Variants in GPRC5C observed in about 807,000 individuals in gnomAD.
GPRC5C encodes the protein G protein-coupled receptor family C group 5 member C.
Under a neutral mutation model 31.4 loss-of-function variants are expected in GPRC5C, and 22 were observed. That is an observed-to-expected ratio of 0.70 (90% CI 0.50 to 1.00). The LOEUF (loss-of-function observed/expected upper bound fraction) is 1.00, where lower values mean the gene tolerates loss of function less well. Among genes scored for constraint, GPRC5C ranks in the 50% least tolerant of loss-of-function variants. GPRC5C has a pLI of 0.00. For missense variants in GPRC5C, 557 were observed against 597.2 expected, an observed-to-expected ratio of 0.93 and a Z score of 0.70; for synonymous variants, 249 against 257.5, an observed-to-expected ratio of 0.97 and a Z score of 0.32.
At chr17:74,448,005 C>T (rs576761816), downstream of GPRC5C, among the ~76,000 whole-genome samples, 2 of 152,270 alleles carry the variant, frequency 1.3e-5, no homozygotes, top group South Asian at 4.1e-4. Context: ...CGTTCCCGAG[C>T]GGTCATTAAA....
chr17:74,439,634 C>CTGGATA (rs2055493706), intron 1 of GPRC5C, 111 bp from the exon 2 acceptor site: 3 of 998,838 alleles, frequency 3.0e-6, no homozygotes, highest in African/African-American at 3.2e-5. Context: ...GAGAGCCTCA[C>CTGGATA]GGTCAGCAGC....
rs979905532 is a variant in GPRC5C, at chr17:74,440,948, CTAAG to C, written c.1051+123_1051+126del. ...TTTGAGGTTTTCTGTAGTTTTCTGC[CTAAG>C]TGTCTCTAAATTCCATTTAATTTAA... On this transcript the variant is annotated intron_variant, in intron 2 of 3. Transcript: ENST00000392627. This position sits in a 1 kb window ranked among gnomAD's most constrained non-coding sequence, Gnocchi z 4.4. 1 of 803,484 alleles carries C rather than the reference CTAAG, an allele frequency of 1.2e-6. No individual in the cohort carries two copies. The highest frequency in any genetic ancestry group is 1.8e-5 in the African/African-American group (1 of 56,296). The allele number at this position is 803,484 out of a possible 1,614,324, so 49.8% of individuals were successfully genotyped here.
In GPRC5C at chr17:74,443,753, G is replaced by A. The variant is rs372140538; in HGVS notation, c.1052-65G>A. ...GCCCCCAGAGAGCCTTGCTTGGTTT[G>A]TGGGAGGTGGGGAAGGGAGCTGAGA... On this transcript the variant is annotated intron_variant, in intron 2 of 3. Transcript: ENST00000392627. 2.0e-5 allele frequency: 24 copies of A among 1,193,452 alleles called. No homozygotes were observed. In the African/African-American group the frequency reaches 3.0e-4, roughly 15 times the overall value. 73.9% of individuals were successfully genotyped at this position (1,193,452 alleles called of 1,614,324 possible).
At chr17:74,449,242 T>G, downstream of GPRC5C, 1 of 603,050 alleles carries the variant, frequency 1.7e-6, no homozygotes, top group Non-Finnish European at 2.8e-6. Context: ...ATTAGCCTCC[T>G]GGGGACTGAA....
chr17:74,438,247 A>ATT (rs2055470519), intron 1 of GPRC5C, among the ~76,000 whole-genome samples: 1 of 86,684 alleles, frequency 1.2e-5, no homozygotes, highest in Non-Finnish European at 2.2e-5. Flanking sequence ...ATATATATAT[A>ATT]TATATTTGTT....
rs374566874 is a variant in GPRC5C at position 74,446,892 on chromosome 17, A to G, written c.1190A>G (p.Asn397Ser). 1.2e-6 allele frequency: 2 copies of G among 1,613,712 alleles called. No individual in the cohort carries two copies. The highest frequency in any genetic ancestry group is 1.7e-6 in the Non-Finnish European group (2 of 1,179,782). Residue 397 changes from asparagine (N) to serine (S), a missense_variant, in exon 4 of 4, where the codon AAC (asparagine) becomes AGC (serine). By Grantham distance (46) the Asn-to-Ser change is conservative. Transcript: ENST00000392627. ...ATCATCCTCCCACGGGCCACCGCCA[A>G]CAGCCAGGTGATGGGCAGTGCCAAC... ...YDIILPRATA[N>S]SQVMGSANST... is the part of the protein sequence containing the mutation.
chr17:74,434,003 C>T (rs1598425767), intron 1 of GPRC5C, among the ~76,000 whole-genome samples: 1 of 152,146 alleles, frequency 6.6e-6, no homozygotes, highest in South Asian at 2.1e-4. Context: ...CCTCTGAGCC[C>T]ACCAGGCCTC....
rs758301558 is a variant in GPRC5C at position 74,439,748 on chromosome 17, C to G, written c.-29C>G. ...TCCCTTTTCCTTCTGTCTCTAGGGA[C>G]CCAACCAGAGCCTGGCCTGGGAGCC... On this transcript the variant is annotated 5_prime_UTR_variant, in exon 2 of 4. Coordinates refer to ENST00000392627, the MANE Select transcript of GPRC5C (RefSeq NM_022036.4). 5 of 1,603,394 alleles carry G rather than the reference C, an allele frequency of 3.1e-6. No individual in the cohort carries two copies. The highest frequency in any genetic ancestry group is 4.3e-6 in the Non-Finnish European group (5 of 1,173,954).
intron 1 of GPRC5C, among the ~76,000 whole-genome samples, chr17:74,435,540 C>T (rs1039880084): frequency 5.9e-5 from 9 of 152,098 alleles, no homozygotes; most frequent in Middle Eastern, 3.2e-3. Context: ...TACCTGGATG[C>T]GGTGAGGGGC....
chr17:74,443,434 GAGGCTGGCCATCTTGGA>G (rs2055574308), intron 2 of GPRC5C: 1 of 375,658 alleles, frequency 2.7e-6, no homozygotes, highest in Non-Finnish European at 5.2e-6. Context: ...GGCAGAGCTG[GAGGCTGGCCATCTTGGA>G]AGGCGGCCGA....
chr17:74,439,287 G>A (rs1287136100), intron 1 of GPRC5C, among the ~76,000 whole-genome samples: 2 of 152,210 alleles, frequency 1.3e-5, no homozygotes, highest in Non-Finnish European at 2.9e-5. Flanking sequence ...CTGACTGGCT[G>A]TGGATTTAGG....
downstream of GPRC5C, chr17:74,447,436 C>T: frequency 1.1e-6 from 1 of 870,002 alleles, no homozygotes; most frequent in Non-Finnish European, 1.4e-6. Flanking sequence ...TTAACTCTTG[C>T]TCTGGGATTG....
At chr17:74,433,620 A>T in intron 1 of GPRC5C, 2 of 1,081,500 alleles carry the variant, frequency 1.8e-6, no homozygotes, top group Admixed American at 1.7e-5. Context: ...GAAGGCTGTC[A>T]GTCGGGCCAT....
In GPRC5C at chr17:74,446,795, G is replaced by T. The variant is rs1026938816; in HGVS notation, c.1147-54G>T. On this transcript the variant is annotated intron_variant, in intron 3 of 3. Coordinates refer to ENST00000392627, the MANE Select transcript of GPRC5C (RefSeq NM_022036.4). ...CAGGAAGTGTTTGTGCATCCGCCCC[G>T]GCGGAACCTGGCTCCCAATCCCCGA... is the stretch of plus-strand genomic sequence containing the variant. The T allele has an allele frequency of 2.8e-6, 4 of 1,417,812 alleles. No individual in the cohort carries two copies. The African/African-American group carries it at 5.6e-5, about 20-fold the overall frequency. The allele number at this position is 1,417,812 out of a possible 1,614,324, so 87.8% of individuals were successfully genotyped here.
At chr17:74,443,711 C>A in intron 2 of GPRC5C, 107 bp from the exon 3 acceptor site, 1 of 910,228 alleles carries the variant, frequency 1.1e-6, no homozygotes, top group Non-Finnish European at 1.8e-6. Flanking sequence ...TTGGCCTGCC[C>A]CCTTTACCTC....
chr17:74,443,547 G>C, intron 2 of GPRC5C: 2 of 606,642 alleles, frequency 3.3e-6, no homozygotes, highest in Non-Finnish European at 6.2e-6. Flanking sequence ...GAGCTGTTGG[G>C]TCAGGGGCTG....
chr17:74,442,251 C>T (rs1359332142), intron 2 of GPRC5C, among the ~76,000 whole-genome samples: 1 of 152,236 alleles, frequency 6.6e-6, no homozygotes, highest in Non-Finnish European at 1.5e-5. Context: ...GATCCGCCTG[C>T]CTCGGCATCC....
chr17:74,442,204 T>C (rs938037578), intron 2 of GPRC5C, among the ~76,000 whole-genome samples: 3 of 152,168 alleles, frequency 2.0e-5, no homozygotes, highest in African/African-American at 7.2e-5. Context: ...GATTTCACTA[T>C]GTTGGCCAGG....
rs1363910129 is a variant in GPRC5C, at chr17:74,432,148, C to A, written c.-33+7C>A. On this transcript the variant is annotated splice_region_variant and intron_variant, in intron 1 of 3. Transcript: ENST00000392627. ...GAGTCGGCTCAGCCTGGAGGTGAGT[C>A]GGGGCGGGGAGGGCCGGGCAGGCTT... 2 of 1,610,516 alleles carry A rather than the reference C, an allele frequency of 1.2e-6. No homozygotes were observed. The highest frequency in any genetic ancestry group is 1.7e-6 in the Non-Finnish European group (2 of 1,178,606).
Sources: gnomAD v4.1 joint callset for allele counts (sites outside exome capture counted in the v4.1 genomes callset) on GRCh38, gnomAD v4.1.1 for gene constraint, Gnocchi (gnomAD v3.1) non-coding constraint, MANE v1.5 for transcripts, NCBI Gene and HGNC (gene_info 2026-07-23, HGNC 2026-07-21) for gene names.